Variants in RANBP2 observed in about 807,000 individuals in gnomAD.
RANBP2 encodes the protein RAN binding protein 2, also known as E3 SUMO-protein ligase RanBP2.
A neutral mutation model predicts 303.6 loss-of-function variants in RANBP2; 57 were observed. That is an observed-to-expected ratio of 0.19 (90% CI 0.15 to 0.23). The LOEUF is 0.23. RANBP2 is among the 10% of genes least tolerant of loss of function. The probability of loss-of-function intolerance (pLI) is 1.00; values close to 1 mark genes in which losing one functional copy is unlikely to be tolerated. For missense variants in RANBP2, 3,138 were observed against 3,780.8 expected (o/e 0.83, Z 4.46); for synonymous variants, 1,167 against 1,301.5 (o/e 0.90, Z 2.23).
At chr2:109,179,909 C>T in the RANBP2 span, among the ~76,000 whole-genome samples, 119 of 152,292 alleles carry the variant, frequency 7.8e-4, no homozygotes, top group African/African-American at 2.8e-3. Context: ...TCAAAAAAGT[C>T]ACTGACGAAA....
At chr2:109,593,398 G>A in the RANBP2 span, among the ~76,000 whole-genome samples, 3 of 144,180 alleles carry the variant, frequency 2.1e-5, no homozygotes, top group African/African-American at 7.7e-5. Context: ...TACAAGTAGA[G>A]AGAGAAAGAA....
the RANBP2 span, among the ~76,000 whole-genome samples, chr2:108,934,043 C>G: frequency 6.6e-6 from 1 of 152,152 alleles, no homozygotes; most frequent in Non-Finnish European, 1.5e-5. Context: ...CGGAGGGCTT[C>G]CCTGAATAAC....
the RANBP2 span, among the ~76,000 whole-genome samples, chr2:109,412,208 A>T: frequency 2.0e-5 from 3 of 152,282 alleles, no homozygotes; most frequent in Non-Finnish European, 4.4e-5. Flanking sequence ...CCTAGCCTTC[A>T]GCCTCTGCCC....
Position 108,771,831 on chromosome 2 carries a change from CAAG to C in RANBP2, c.7983_7985del (p.Lys2661del). On this transcript the variant is annotated inframe_deletion, in exon 21 of 29. Transcript: ENST00000283195. Reference sequence around the variant, plus strand: ...AACTTCCTCCAACTTTCTTCTGCTACAAGAATAGACCAGATTATGTTAGTGAAG... The same window carrying C: ...AACTTCCTCCAACTTTCTTCTGCTACAATAGACCAGATTATGTTAGTGAAG... The C allele has an allele frequency of 6.2e-7, 1 of 1,613,996 alleles. No homozygotes were observed. The highest frequency in any genetic ancestry group is 8.5e-7 in the Non-Finnish European group (1 of 1,179,950).
chr2:109,402,592 C>T, the RANBP2 span, among the ~76,000 whole-genome samples: 46,620 of 152,156 alleles, frequency 0.31, 8,455 homozygotes, highest in Non-Finnish European at 0.41. Flanking sequence ...CTGCAGCAGC[C>T]AGTCCCCTGC....
chr2:109,612,389 TATCA>T, the RANBP2 span, among the ~76,000 whole-genome samples: 2 of 152,326 alleles, frequency 1.3e-5, no homozygotes, highest in South Asian at 2.1e-4. Flanking sequence ...ATCTTCACTG[TATCA>T]ATCAATGACA....
the RANBP2 span, among the ~76,000 whole-genome samples, chr2:109,144,413 C>A: frequency 2.6e-5 from 4 of 152,126 alleles, no homozygotes; most frequent in African/African-American, 9.7e-5. Flanking sequence ...ACAAGCAGAC[C>A]TAGCTTTCAC....
At chr2:109,120,212 G>T in the RANBP2 span, among the ~76,000 whole-genome samples, 1 of 152,184 alleles carries the variant, frequency 6.6e-6, no homozygotes, top group Non-Finnish European at 1.5e-5. Flanking sequence ...CAACTCATTT[G>T]TAAGAGGAGG....
At chr2:109,093,514 C>A in the RANBP2 span, among the ~76,000 whole-genome samples, 1 of 151,452 alleles carries the variant, frequency 6.6e-6, no homozygotes, top group African/African-American at 2.4e-5. Context: ...TTATCATATA[C>A]CTTAGTTAAA....
At chr2:109,005,992 A>G in the RANBP2 span, among the ~76,000 whole-genome samples, 1 of 152,134 alleles carries the variant, frequency 6.6e-6, no homozygotes, top group Non-Finnish European at 1.5e-5. Flanking sequence ...CACATGAGCC[A>G]GTGGGTCACG....
At chr2:109,410,376 CA>C in the RANBP2 span, among the ~76,000 whole-genome samples, 1 of 152,248 alleles carries the variant, frequency 6.6e-6, no homozygotes, top group Admixed American at 6.5e-5. Flanking sequence ...GGGCACTGCA[CA>C]GTCAGACTGA....
the RANBP2 span, among the ~76,000 whole-genome samples, chr2:109,599,856 A>G: frequency 6.6e-6 from 1 of 152,240 alleles, no homozygotes; most frequent in African/African-American, 2.4e-5. Context: ...TAGAAAAAAT[A>G]TCATTTCTAA....
At chr2:109,318,076 A>G in the RANBP2 span, among the ~76,000 whole-genome samples, 1 of 149,704 alleles carries the variant, frequency 6.7e-6, no homozygotes, top group Non-Finnish European at 1.5e-5. Context: ...TTTCTAAGCC[A>G]TGAGCACGCT....
In RANBP2 at chr2:108,753,879, C is replaced by A. The variant is rs921404064; in HGVS notation, c.2110C>A (p.Gln704Lys). 1 of 1,611,942 alleles carries A rather than the reference C, an allele frequency of 6.2e-7. No individual in the cohort carries two copies. Among genetic ancestry groups the A allele is most frequent in the African/African-American group, 1.3e-5 (1 of 74,954 alleles). The part of the protein sequence containing the change: ...IENDALSPEE[Q>K]EECKNYLRKT... ...AAATGATGCCCTTTCTCCTGAAGAA[C>A]AAGAAGAATGCAAAAATTATCTGAG... The change falls in exon 15 of 29, where the codon CAA (glutamine) becomes AAA (lysine). Residue 704 changes from glutamine (Q) to lysine (K), a missense_variant. This residue lies in a region of RANBP2 where 194 missense variants were observed against 197.4 expected (regional missense o/e 0.98). Transcript: ENST00000283195.
At chr2:109,128,342 CGAG>C in the RANBP2 span, 2 of 152,202 alleles carry the variant, frequency 1.3e-5, no homozygotes, top group Non-Finnish European at 2.9e-5. Context: ...CGGGGGTTCA[CGAG>C]ACTGCGCCGC....
At chr2:108,832,738 T>G in the RANBP2 span, among the ~76,000 whole-genome samples, 2 of 152,166 alleles carry the variant, frequency 1.3e-5, no homozygotes, top group East Asian at 3.9e-4. Context: ...CTTTGAAGGA[T>G]GAGTAGGTTT....
chr2:109,626,194 G>C, the RANBP2 span, among the ~76,000 whole-genome samples: 2 of 152,092 alleles, frequency 1.3e-5, no homozygotes, highest in African/African-American at 4.8e-5. Flanking sequence ...ATGCCCCTGA[G>C]AAGGGCCAGG....
rs755800503 is a variant in RANBP2 at position 108,765,879 on chromosome 2, C to T, written c.5340C>T (p.Ile1780=). The part of the protein sequence containing the change: ...APKSGFEGMF[I]RKGQWDCSVC... ...AGAGTGGATTTGAAGGAATGTTCATCAGGAAAGGACAGTGGGATTGTAGTG... is the reference window on the plus strand; with the variant it reads ...AGAGTGGATTTGAAGGAATGTTCATTAGGAAAGGACAGTGGGATTGTAGTG... Residue 1780 remains isoleucine, a synonymous_variant, in exon 20 of 29, where the codon ATC becomes ATT. Coordinates refer to ENST00000283195, the MANE Select transcript of RANBP2 (RefSeq NM_006267.5). 1.2e-6 allele frequency: 2 copies of T among 1,613,848 alleles called. No individual in the cohort carries two copies. Among genetic ancestry groups the T allele is most frequent in the Non-Finnish European group, 1.7e-6 (2 of 1,179,902 alleles).
chr2:109,736,013 G>A, the RANBP2 span, among the ~76,000 whole-genome samples: 1 of 152,196 alleles, frequency 6.6e-6, no homozygotes, highest in African/African-American at 2.4e-5. Context: ...TGAATTTCCA[G>A]CTATGCAACT....
Sources: gnomAD v4.1 joint callset for allele counts (sites outside exome capture counted in the v4.1 genomes callset) on GRCh38, gnomAD v4.1.1 for gene constraint, gnomAD v4.1.1 regional missense constraint, MANE v1.5 for transcripts, NCBI Gene and HGNC (gene_info 2026-07-23, HGNC 2026-07-21) for gene names.